SGCZ: variants seen among roughly 807,000 people sequenced by gnomAD.
SGCZ encodes sarcoglycan zeta.
In SGCZ, 40 loss-of-function variants were observed where a neutral mutation model predicts 41.3. The observed-to-expected ratio is 0.97, with a 90% CI of 0.75 to 1.26. The LOEUF is 1.26. Ranked by LOEUF, SGCZ falls within the 50% of genes most tolerant of loss-of-function variation. The pLI is 0.00. For synonymous variants in SGCZ, 206 were observed against 137.5 expected (o/e 1.50, Z -3.49); for missense variants, 552 against 369.8 (o/e 1.49, Z -4.04).
At chr8:14,518,753 G>C (rs929901358) in intron 2 of SGCZ, among the ~76,000 whole-genome samples, 41 of 151,476 alleles carry the variant, frequency 2.7e-4, no homozygotes, top group African/African-American at 1.0e-3. Context: ...CACCCATCAA[G>C]ATTAGATAGG....
intron 5 of SGCZ, among the ~76,000 whole-genome samples, chr8:14,120,083 A>C (rs1802652509): frequency 6.6e-6 from 1 of 152,156 alleles, no homozygotes; most frequent in South Asian, 2.1e-4. Flanking sequence ...AGAAAATTTA[A>C]AGGCTCACAT....
intron 1 of SGCZ, among the ~76,000 whole-genome samples, chr8:14,657,131 T>G (rs906674029): frequency 3.9e-5 from 6 of 152,082 alleles, no homozygotes; most frequent in African/African-American, 1.5e-4. Context: ...ATCTTTAAAA[T>G]TTAGAGGGAT....
At chr8:14,128,843 A>G (rs1355128874) in intron 5 of SGCZ, among the ~76,000 whole-genome samples, 1 of 152,162 alleles carries the variant, frequency 6.6e-6, no homozygotes, top group Non-Finnish European at 1.5e-5. Flanking sequence ...TTCAGAAACA[A>G]AGTCAAAAAC....
chr8:14,642,376 C>T (rs886834787), intron 1 of SGCZ, among the ~76,000 whole-genome samples: 4 of 151,530 alleles, frequency 2.6e-5, no homozygotes, highest in African/African-American at 9.7e-5. Context: ...GATGGTCACA[C>T]CCATTTTTAA....
At chr8:14,970,876 T>C (rs913582368) in intron 1 of SGCZ, among the ~76,000 whole-genome samples, 1 of 152,160 alleles carries the variant, frequency 6.6e-6, no homozygotes, top group African/African-American at 2.4e-5. Context: ...TAAGTATAGA[T>C]CAACTTGAGG....
intron 1 of SGCZ, among the ~76,000 whole-genome samples, chr8:14,950,000 T>C (rs1800579123): frequency 1.3e-5 from 2 of 152,104 alleles, no homozygotes; most frequent in South Asian, 4.1e-4. Context: ...AGGTCATTTC[T>C]TTCTTAATTT....
Position 14,707,189 on chromosome 8 carries a change from C to G in SGCZ, c.40-152263G>C, listed in dbSNP as rs1248523738. Among the ~76,000 whole-genome samples the G allele has an allele frequency of 2.5e-5, 3 of 117,666 alleles. No homozygotes were observed. In the East Asian group the frequency reaches 9.7e-4, roughly 38 times the overall value. 77.2% of individuals were successfully genotyped at this position (117,666 alleles called of 152,430 possible). On this transcript the variant is annotated intron_variant, in intron 1 of 7. Transcript: ENST00000382080. ...CAAATACTAACCCTCCCCCCTCCCC[C>G]CACCCCACAACAGTCCCCAGTGTGT...
intron 4 of SGCZ, among the ~76,000 whole-genome samples, chr8:14,229,436 A>G (rs1357125771): frequency 2.0e-5 from 3 of 151,992 alleles, no homozygotes; most frequent in African/African-American, 7.2e-5. Flanking sequence ...TCAACTTACA[A>G]TTTCCTCAAA....
intron 1 of SGCZ, among the ~76,000 whole-genome samples, chr8:14,938,273 A>G: frequency 6.6e-6 from 1 of 152,150 alleles, no homozygotes; most frequent in Non-Finnish European, 1.5e-5. Context: ...AAAAATAAAT[A>G]TGCAGTTGGC....
At chr8:14,472,912 A>C (rs1801253395) in intron 2 of SGCZ, among the ~76,000 whole-genome samples, 1 of 152,150 alleles carries the variant, frequency 6.6e-6, no homozygotes, top group African/African-American at 2.4e-5. Flanking sequence ...CTCACCCTAA[A>C]CCACAAAAGT....
chr8:14,337,073 T>G (rs948710785), intron 2 of SGCZ, among the ~76,000 whole-genome samples: 19 of 152,154 alleles, frequency 1.2e-4, no homozygotes, highest in African/African-American at 4.6e-4. Flanking sequence ...TCTCTGTCTG[T>G]AAGCCCTTTC....
intron 1 of SGCZ, among the ~76,000 whole-genome samples, chr8:14,922,375 T>A (rs549728193): frequency 1.3e-5 from 2 of 152,226 alleles, no homozygotes; most frequent in African/African-American, 2.4e-5. Flanking sequence ...CAGAAAAAAA[T>A]TATTTATATA....
intron 1 of SGCZ, among the ~76,000 whole-genome samples, chr8:14,854,945 C>T (rs1385058418): frequency 6.6e-6 from 1 of 151,462 alleles, no homozygotes; most frequent in African/African-American, 2.4e-5. Context: ...GAGGTCCATG[C>T]TATGGCCTCT....
chr8:14,565,606 A>G (rs1461552106), intron 1 of SGCZ, among the ~76,000 whole-genome samples: 1 of 152,120 alleles, frequency 6.6e-6, no homozygotes, highest in African/African-American at 2.4e-5. Context: ...TCTTTAAGGA[A>G]AAACAAATTG....
chr8:14,425,124 A>G lies in SGCZ; in HGVS notation c.235-100920T>C, dbSNP rs537454059. ...TTGTAAACACTCTTTGTCCAGCGAC[A>G]ACATTAGCCAGAGCTTTCTAAACAG... On this transcript the variant is annotated intron_variant, in intron 2 of 7. Transcript: ENST00000382080. Among the ~76,000 whole-genome samples, 5 of 152,254 alleles carry G rather than the reference A, an allele frequency of 3.3e-5. No homozygotes were observed. In the South Asian group the frequency reaches 1.0e-3, roughly 32 times the overall value.
At position 14,560,241 on chromosome 8, in the gene SGCZ, G is replaced by T. The variant is rs1429679526; in HGVS notation, c.40-5315C>A. Among the ~76,000 whole-genome samples the T allele has an allele frequency of 2.6e-5, 4 of 152,062 alleles. No individual in the cohort carries two copies. The East Asian group carries it at 7.7e-4, about 29-fold the overall frequency. On this transcript the variant is annotated intron_variant, in intron 1 of 7. Transcript: ENST00000382080. The stretch of plus-strand genomic sequence containing the variant: ...TTCCCAACACAGATAAAAGATAAAT[G>T]TTTGAGGTTATGAATAACCTAATTG...
At chr8:15,057,211 G>A (rs1174417641) in intron 1 of SGCZ, among the ~76,000 whole-genome samples, 1 of 152,206 alleles carries the variant, frequency 6.6e-6, no homozygotes, top group African/African-American at 2.4e-5. Flanking sequence ...TGTGCAGCCA[G>A]AAACCCTCCT....
At chr8:14,665,187 G>A (rs930150317) in intron 1 of SGCZ, among the ~76,000 whole-genome samples, 93 of 151,538 alleles carry the variant, frequency 6.1e-4, no homozygotes, top group Non-Finnish European at 5.7e-4. Flanking sequence ...AACAGGCCCC[G>A]GTGTGTGATG....
At chr8:15,217,394 G>C (rs1165854897) in intron 1 of SGCZ, among the ~76,000 whole-genome samples, 1 of 149,290 alleles carries the variant, frequency 6.7e-6, no homozygotes, top group African/African-American at 2.5e-5. Context: ...TCCAACCTGG[G>C]AGACACAGCG....
Sources: gnomAD v4.1 joint callset for allele counts (sites outside exome capture counted in the v4.1 genomes callset) on GRCh38, gnomAD v4.1.1 for gene constraint, MANE v1.5 for transcripts, NCBI Gene and HGNC (gene_info 2026-07-23, HGNC 2026-07-21) for gene names.